The following WDR11 variants were observed in gnomAD, a reference collection of about 807,000 sequenced individuals.
WDR11 encodes WD repeat-containing protein 11.
In WDR11, 83 loss-of-function variants were observed where a neutral mutation model predicts 151.2. The observed-to-expected ratio is 0.55, with a 90% confidence interval of 0.46 to 0.66. WDR11 has a LOEUF of 0.66. Among genes scored for constraint, WDR11 ranks in the 30% least tolerant of loss-of-function variants. The probability of loss-of-function intolerance (pLI) is 0.00; values close to 1 mark genes in which losing one functional copy is unlikely to be tolerated. For missense variants in WDR11, 1,301 were observed against 1,480.9 expected (o/e 0.88, Z 1.99); for synonymous variants, 484 against 533.1 (o/e 0.91, Z 1.27).
chr10:120,883,614 C>T (rs557587657), intron 13 of WDR11, among the ~76,000 whole-genome samples, 166 bp from the exon 14 acceptor site: 1 of 152,250 alleles, frequency 6.6e-6, no homozygotes, highest in East Asian at 1.9e-4. Flanking sequence ...TCACTTAGAG[C>T]TTTACCTTCT....
At position 120,874,190 on chromosome 10, in the gene WDR11, T is replaced by TTTTTTTTTG. The variant is rs796119460; in HGVS notation, c.1556+269_1556+270insTTTTTTGTT. On this transcript the variant is annotated intron_variant, in intron 11 of 28. Coordinates refer to ENST00000263461, the MANE Select transcript of WDR11 (RefSeq NM_018117.12). ...CGGTTTTTGCAGTTTTTTTTTTTTT[T>TTTTTTTTTG]TTGTTGTTGTTGTTGTTGTTTGTTT... Among the ~76,000 whole-genome samples the TTTTTTTTTG allele has an allele frequency of 4.8e-5, 5 of 105,100 alleles. No homozygotes were observed. The Admixed American group carries it at 5.6e-4, about 12-fold the overall frequency. The allele number at this position is 105,100 out of a possible 152,430, so 68.9% of individuals were successfully genotyped here.
intron 9 of WDR11, 90 bp downstream of exon 9, chr10:120,867,259 C>A (rs184464444): frequency 5.2e-6 from 5 of 961,588 alleles, no homozygotes; most frequent in South Asian, 2.7e-5. Flanking sequence ...ATTTTAAAGT[C>A]AAAAAAGTTA....
intron 4 of WDR11, among the ~76,000 whole-genome samples, chr10:120,860,916 A>T (rs1846114816): frequency 6.6e-6 from 1 of 152,234 alleles, no homozygotes; most frequent in African/African-American, 2.4e-5. Flanking sequence ...GATGTCTCAG[A>T]ACCCAAAAGG....
chr10:120,864,914 C>A, intron 5 of WDR11, 133 bp from the exon 6 acceptor site: 1 of 993,750 alleles, frequency 1.0e-6, no homozygotes, highest in Non-Finnish European at 1.5e-6. Context: ...GGATGCCAAC[C>A]CATGTTGGTC....
chr10:120,870,013 C>T, intron 9 of WDR11, among the ~76,000 whole-genome samples: 1 of 152,148 alleles, frequency 6.6e-6, no homozygotes, highest in East Asian at 1.9e-4. Flanking sequence ...TGGTCTCAAT[C>T]TTCTGACCTC....
intron 27 of WDR11, 106 bp downstream of exon 27, chr10:120,906,127 G>C: frequency 1.3e-6 from 2 of 1,596,232 alleles, no homozygotes; most frequent in Non-Finnish European, 8.5e-7. Flanking sequence ...AAAGTGAAAG[G>C]AGAAGTATAC....
At chr10:120,902,202 C>A in intron 21 of WDR11, 55 bp from the exon 22 acceptor site, 1 of 1,437,546 alleles carries the variant, frequency 7.0e-7, no homozygotes, top group Non-Finnish European at 9.8e-7. Flanking sequence ...AACCCCCATG[C>A]TTTATTGTTT....
intron 6 of WDR11, 52 bp downstream of exon 6, chr10:120,865,264 T>C: frequency 6.4e-7 from 1 of 1,562,278 alleles, no homozygotes; most frequent in Non-Finnish European, 8.8e-7. Flanking sequence ...AATGTTATAT[T>C]AAAAGAAGGC....
At chr10:120,869,883 G>C (rs772851379) in intron 9 of WDR11, among the ~76,000 whole-genome samples, 2 of 152,130 alleles carry the variant, frequency 1.3e-5, no homozygotes, top group Admixed American at 1.3e-4. Flanking sequence ...TCCACCTCCC[G>C]AGTTCAAGCG....
intron 19 of WDR11, among the ~76,000 whole-genome samples, chr10:120,894,073 G>A (rs1847519214): frequency 6.6e-6 from 1 of 151,572 alleles, no homozygotes; most frequent in African/African-American, 2.4e-5. Context: ...TGGTGTTTTA[G>A]ACATGAAGTC....
Position 120,908,761 on chromosome 10 carries a change from G to A in WDR11, c.*48G>A. 1 of 1,608,430 alleles carries A rather than the reference G, an allele frequency of 6.2e-7. No homozygotes were observed. Among genetic ancestry groups the A allele is most frequent in the Non-Finnish European group, 8.5e-7 (1 of 1,176,534 alleles). On this transcript the variant is annotated 3_prime_UTR_variant, in exon 29 of 29. Transcript: ENST00000263461. The stretch of plus-strand genomic sequence containing the variant: ...TCTGACCTGGAAGGCAGATGGGAGG[G>A]GGCTGGTCTGGCTGTGGCCACCGTC...
At chr10:120,906,364 T>C in intron 27 of WDR11, 1 of 1,252,128 alleles carries the variant, frequency 8.0e-7, no homozygotes, top group Non-Finnish European at 1.0e-6. Context: ...ACAGAAGGCA[T>C]GGTGAGGTGG....
At chr10:120,870,941 A>G (rs1474283979) in intron 9 of WDR11, among the ~76,000 whole-genome samples, 2 of 152,154 alleles carry the variant, frequency 1.3e-5, no homozygotes, top group African/African-American at 4.8e-5. Context: ...TGCATTCTGG[A>G]TAGCAGGACT....
chr10:120,852,723 G>A (rs1278747678), intron 2 of WDR11, 88 bp downstream of exon 2: 1 of 1,139,570 alleles, frequency 8.8e-7, no homozygotes, highest in African/African-American at 1.5e-5. Flanking sequence ...AGTCTTACGT[G>A]TAAGTGTTGA....
chr10:120,882,697 A>T (rs1847060722), intron 13 of WDR11, among the ~76,000 whole-genome samples: 1 of 151,984 alleles, frequency 6.6e-6, no homozygotes, highest in Non-Finnish European at 1.5e-5. Context: ...ATGATCAGTG[A>T]TTATCTTTCC....
At chr10:120,865,357 GT>G (rs61185015) in intron 6 of WDR11, 145 bp downstream of exon 6, 55 of 849,058 alleles carry the variant, frequency 6.5e-5, no homozygotes, top group African/African-American at 4.1e-4. Flanking sequence ...ATTTTAGATT[GT>G]TTTTTTTGTC....
chr10:120,889,584 G>T (rs1000071216), intron 17 of WDR11: 1 of 433,190 alleles, frequency 2.3e-6, no homozygotes, highest in Non-Finnish European at 4.3e-6. Flanking sequence ...CTTGTGACTT[G>T]GCAAGAAGGA....
At position 120,885,806 on chromosome 10, in the gene WDR11, C is replaced by T; in HGVS notation, c.1849-8C>T. ...GCACTTCTAGGTTTGTCTGCATTTG[C>T]TTTACAGGAGTGGTCACCATCTCAC... is the stretch of plus-strand genomic sequence containing the variant. On this transcript the variant is annotated splice_region_variant and splice_polypyrimidine_tract_variant and intron_variant, in intron 14 of 28. Transcript: ENST00000263461. 1.2e-6 allele frequency: 2 copies of T among 1,613,452 alleles called. No individual in the cohort carries two copies. Among genetic ancestry groups the T allele is most frequent in the Middle Eastern group, 1.7e-4 (1 of 6,054 alleles).
At chr10:120,904,618 T>C (rs1847962937) in intron 24 of WDR11, 28 bp from the exon 25 acceptor site, 2 of 1,613,820 alleles carry the variant, frequency 1.2e-6, no homozygotes, top group Non-Finnish European at 1.7e-6. Context: ...AATGTTCTCA[T>C]AATTAGAAAA....
Sources: gnomAD v4.1 joint callset for allele counts (sites outside exome capture counted in the v4.1 genomes callset) on GRCh38, gnomAD v4.1.1 for gene constraint, MANE v1.5 for transcripts, NCBI Gene and HGNC (gene_info 2026-07-23, HGNC 2026-07-21) for gene names.